SF3A1: variants seen among roughly 807,000 people sequenced by gnomAD.
The protein encoded by SF3A1 is splicing factor 3a subunit 1.
SF3A1 carries 13 observed loss-of-function variants against 89.9 expected under a neutral mutation model. The ratio of observed to expected loss-of-function variants is 0.14; its 90% CI spans 0.09 to 0.23. The LOEUF is 0.23. SF3A1 is among the 10% of genes least tolerant of loss of function. SF3A1 has a pLI of 1.00. For missense variants in SF3A1, 604 were observed against 1,022.1 expected, an observed-to-expected ratio of 0.59 and a Z score of 5.58; for synonymous variants, 405 against 374.4, an observed-to-expected ratio of 1.08 and a Z score of -0.94.
intron 4 of SF3A1, among the ~76,000 whole-genome samples, chr22:30,343,263 C>G (rs1011409674): frequency 6.6e-6 from 1 of 152,168 alleles, no homozygotes. Context: ...CTATTCAGAA[C>G]CGCAGCGTAC....
chr22:30,340,232 G>A lies in SF3A1; in HGVS notation c.1339C>T (p.Arg447Cys). The A allele has an allele frequency of 1.2e-6, 2 of 1,601,322 alleles. No individual in the cohort carries two copies. The highest frequency in any genetic ancestry group is 1.7e-6 in the Non-Finnish European group (2 of 1,174,846). Residue 447 changes from arginine (R) to cysteine (C), a missense_variant, in exon 9 of 16, where the codon CGT (arginine) becomes TGT (cysteine). Physicochemically the swap from Arg to Cys is radical, Grantham distance 180 (BLOSUM62 -3). Around this residue, in one of 9 missense-constraint regions of SF3A1, gnomAD observed 146 missense variants for 228.5 expected, o/e 0.64. Coordinates refer to ENST00000215793, the MANE Select transcript of SF3A1 (RefSeq NM_005877.6). ...RWLEQRDRSI[R>C]EKQSDDEVYA... ...ACCTCATCATCGCTCTGCTTCTCACGGATGGAGCGATCCCGCTGCTCCAGC... is the reference window on the plus strand; with the variant it reads ...ACCTCATCATCGCTCTGCTTCTCACAGATGGAGCGATCCCGCTGCTCCAGC...
intron 2 of SF3A1, among the ~76,000 whole-genome samples, chr22:30,349,521 A>T (rs1931522265): frequency 6.6e-6 from 1 of 152,190 alleles, no homozygotes; most frequent in Non-Finnish European, 1.5e-5. Context: ...ACCTCAGGTG[A>T]TCTGCCCACC....
At chr22:30,347,582 A>C (rs1225920418) in intron 2 of SF3A1, among the ~76,000 whole-genome samples, 1 of 152,114 alleles carries the variant, frequency 6.6e-6, no homozygotes, top group Non-Finnish European at 1.5e-5. Flanking sequence ...CCCTATAATG[A>C]TGTTTAGGGA....
Position 30,353,035 on chromosome 22 carries a change from G to A in SF3A1, c.101C>T (p.Ala34Val), listed in dbSNP as rs1931648151. 1 of 1,614,034 alleles carries A rather than the reference G, an allele frequency of 6.2e-7. No individual in the cohort carries two copies. Among genetic ancestry groups the A allele is most frequent in the Non-Finnish European group, 8.5e-7 (1 of 1,179,994 alleles). ...EEEASSKEDS[A>V]PSKPVVGIIY... ...AATCCCCACAACTGGCTTAGAAGGT[G>A]CAGAATCCTCCTTTGAAGATGCTTC... The change falls in exon 2 of 16, where the codon GCA becomes GTA. Residue 34 changes from alanine (A) to valine (V), a missense_variant. By Grantham distance (64) the Ala-to-Val change is moderately conservative. This residue lies in a region of SF3A1 where 9 missense variants were observed against 48.6 expected (regional missense o/e 0.19). Transcript: ENST00000215793.
chr22:30,344,836 C>T (rs889918009), intron 4 of SF3A1, 97 bp downstream of exon 4: 7 of 1,390,322 alleles, frequency 5.0e-6, no homozygotes, highest in African/African-American at 1.4e-5. Context: ...CATGGAGAAG[C>T]GATGTCCTTG....
chr22:30,339,389 C>A, intron 9 of SF3A1, 138 bp from the exon 10 acceptor site: 1 of 1,070,250 alleles, frequency 9.3e-7, no homozygotes, highest in Non-Finnish European at 1.4e-6. Flanking sequence ...CAACTCTTGT[C>A]CTCTGGGCTC....
chr22:30,342,477 C>T, intron 5 of SF3A1, 127 bp from the exon 6 acceptor site: 2 of 1,106,442 alleles, frequency 1.8e-6, no homozygotes, highest in South Asian at 1.6e-5. Flanking sequence ...TGGTTCCAAA[C>T]TATGGCATTT....
At chr22:30,340,070 A>C in intron 9 of SF3A1, 126 bp downstream of exon 9, 1 of 776,186 alleles carries the variant, frequency 1.3e-6, no homozygotes, top group Non-Finnish European at 1.9e-6. Flanking sequence ...TTCTCTTGCA[A>C]TATCATAGAG....
intron 12 of SF3A1, among the ~76,000 whole-genome samples, chr22:30,337,429 T>C (rs17730485): frequency 0.2 from 30,605 of 152,058 alleles, 3,342 homozygotes; most frequent in Middle Eastern, 0.35. Context: ...CAACAAGCAT[T>C]TCTCAGGCCT....
At chr22:30,338,463 A>C (rs1431519839) in intron 11 of SF3A1, among the ~76,000 whole-genome samples, 4 of 151,472 alleles carry the variant, frequency 2.6e-5, no homozygotes, top group Non-Finnish European at 4.4e-5. Flanking sequence ...CATCTCAAAA[A>C]AAAAAAAAAA....
intron 4 of SF3A1, among the ~76,000 whole-genome samples, chr22:30,343,269 C>T (rs150757687): frequency 1.3e-5 from 2 of 152,250 alleles, no homozygotes; most frequent in African/African-American, 2.4e-5. Flanking sequence ...AGAACCGCAG[C>T]GTACTTGCCC....
At chr22:30,339,440 G>A (rs1408871922) in intron 9 of SF3A1, among the ~76,000 whole-genome samples, 189 bp from the exon 10 acceptor site, 2 of 152,144 alleles carry the variant, frequency 1.3e-5, no homozygotes, top group Non-Finnish European at 2.9e-5. Flanking sequence ...CCCAGTGCTT[G>A]GGCAACCCCT....
In SF3A1 at chr22:30,340,354, G is replaced by A; in HGVS notation, c.1217C>T (p.Ala406Val). The change falls in exon 9 of 16, where the codon GCT becomes GTT. Residue 406 changes from alanine (A) to valine (V), a missense_variant. Ala to Val is a moderately conservative substitution (Grantham distance 64). Coordinates refer to ENST00000215793, the MANE Select transcript of SF3A1 (RefSeq NM_005877.6). ...KASKPLPPAP[A>V]PDEYLVSPIT... is the part of the protein sequence containing the mutation. ...GGGGGACACAAGATACTCATCTGGAGCAGGGGCTGGAGGCAAGGGCTTGGA... is the reference window on the plus strand; with the variant it reads ...GGGGGACACAAGATACTCATCTGGAACAGGGGCTGGAGGCAAGGGCTTGGA... 6.2e-7 allele frequency: 1 copy of A among 1,611,706 alleles called. No homozygotes were observed. Among genetic ancestry groups the A allele is most frequent in the Non-Finnish European group, 8.5e-7 (1 of 1,179,434 alleles).
At chr22:30,346,823 T>A (rs889190270) in intron 2 of SF3A1, among the ~76,000 whole-genome samples, 2 of 151,914 alleles carry the variant, frequency 1.3e-5, no homozygotes, top group African/African-American at 4.8e-5. Context: ...AAATTTACTT[T>A]AAAAAAAATC....
chr22:30,346,497 T>G lies in SF3A1; in HGVS notation c.208A>C (p.Arg70=). 6.2e-7 allele frequency: 1 copy of G among 1,614,056 alleles called. No individual in the cohort carries two copies. Among genetic ancestry groups the G allele is most frequent in the Non-Finnish European group, 8.5e-7 (1 of 1,179,992 alleles). The change falls in exon 3 of 16, where the codon AGG becomes CGG. Residue 70 remains arginine, a synonymous_variant. Coordinates refer to ENST00000215793, the MANE Select transcript of SF3A1 (RefSeq NM_005877.6). ...TTGTTGATCTCGTTCTGTCGGATCC[T>G]AGCTTCAAATTCAGGCCCGTTTCTG... The part of the protein sequence containing the change: ...VARNGPEFEA[R]IRQNEINNPK...
intron 5 of SF3A1, chr22:30,342,553 G>A: frequency 1.5e-6 from 1 of 649,394 alleles, no homozygotes; most frequent in South Asian, 2.0e-5. Context: ...ATCTGCTTGG[G>A]AGCTGGCCTT....
At chr22:30,342,467 T>C (rs753069646) in intron 5 of SF3A1, 117 bp from the exon 6 acceptor site, 13 of 1,203,000 alleles carry the variant, frequency 1.1e-5, no homozygotes, top group Non-Finnish European at 1.5e-5. Context: ...AATGGAAGTA[T>C]GGTTCCAAAC....
At chr22:30,355,619 C>G (rs1354137065) in intron 1 of SF3A1, among the ~76,000 whole-genome samples, 1 of 152,232 alleles carries the variant, frequency 6.6e-6, no homozygotes, top group African/African-American at 2.4e-5. Flanking sequence ...AATCGCATCT[C>G]CTGCCACTAC....
Position 30,342,056 on chromosome 22 carries a change from C to G in SF3A1, c.877+144G>C, listed in dbSNP as rs1403841034. 3 of 1,199,220 alleles carry G rather than the reference C, an allele frequency of 2.5e-6. No homozygotes were observed. The African/African-American group carries it at 4.6e-5, about 18-fold the overall frequency. The allele number at this position is 1,199,220 out of a possible 1,614,324, so 74.3% of individuals were successfully genotyped here. A position where few individuals can be genotyped will look rare whatever the true frequency, so the allele number is the denominator to read the frequency against. ...ATCTAAGTTGGGCAAAGTGGTAGAA[C>G]TGAAGTCTTTTGGGAGCAGGGAGGA... On this transcript the variant is annotated intron_variant, in intron 6 of 15. Transcript: ENST00000215793.
Sources: allele counts gnomAD v4.1 joint callset (sites outside exome capture counted in the v4.1 genomes callset), GRCh38; gene constraint gnomAD v4.1.1; regional missense constraint gnomAD v4.1.1; transcripts MANE v1.5; gene names NCBI Gene and HGNC (gene_info 2026-07-23, HGNC 2026-07-21).